Variants in FMNL3 observed in about 807,000 individuals in gnomAD.
The protein encoded by FMNL3 is formin like 3.
Under a neutral mutation model 119.6 loss-of-function variants are expected in FMNL3, and 57 were observed. The observed-to-expected ratio is 0.48, with a 90% CI of 0.39 to 0.59. FMNL3 has a LOEUF of 0.59. Ranked by LOEUF, FMNL3 falls within the 20% of genes least tolerant of loss-of-function variation. The probability of loss-of-function intolerance (pLI) is 0.00; values close to 1 mark genes in which losing one functional copy is unlikely to be tolerated. For synonymous variants in FMNL3, 491 were observed against 507.3 expected (o/e 0.97, Z 0.43); for missense variants, 1,053 against 1,323.5 (o/e 0.80, Z 3.17).
Position 49,636,596 on chromosome 12 carries a change from C to T in FMNL3, c.*9219G>A. On this transcript the variant is annotated 3_prime_UTR_variant, in exon 26 of 26. Coordinates refer to ENST00000335154, the MANE Select transcript of FMNL3 (RefSeq NM_175736.5). ...CACAGAGCCCCCTCCAGGCCCTTCC[C>T]CCACCACCCTGGGTATCCCTAGCAC... 2 of 1,424,088 alleles carry T rather than the reference C, an allele frequency of 1.4e-6. No individual in the cohort carries two copies. The highest frequency in any genetic ancestry group is 1.9e-6 in the Non-Finnish European group (2 of 1,037,308). The allele number at this position is 1,424,088 out of a possible 1,614,324, so 88.2% of individuals were successfully genotyped here.
Position 49,707,257 on chromosome 12 carries a change from G to A in FMNL3, c.-77C>T, listed in dbSNP as rs1945077188. ...CTTTCGGCTCCGCGGCTCCGACCAG[G>A]CTCCTCCCTCAGCGCCGGCTCCCCG... On this transcript the variant is annotated 5_prime_UTR_variant, in exon 1 of 26. Coordinates refer to ENST00000335154, the MANE Select transcript of FMNL3 (RefSeq NM_175736.5). The A allele has an allele frequency of 1.5e-6, 2 of 1,321,180 alleles. No individual in the cohort carries two copies. Among genetic ancestry groups the A allele is most frequent in the Middle Eastern group, 2.6e-4 (1 of 3,906 alleles). The allele number at this position is 1,321,180 out of a possible 1,614,324, so 81.8% of individuals were successfully genotyped here.
chr12:49,652,289 C>G (rs1943429738), intron 13 of FMNL3, 77 bp from the exon 14 acceptor site: 2 of 1,511,074 alleles, frequency 1.3e-6, no homozygotes, highest in Non-Finnish European at 1.8e-6. Context: ...GAATTCCTAC[C>G]CAGGGTTCTC....
Position 49,642,625 on chromosome 12 carries a change from C to T in FMNL3, c.*3190G>A, listed in dbSNP as rs1473401616. The stretch of plus-strand genomic sequence containing the variant: ...TGACTCAGCCTTTGAGCAGATCACC[C>T]TGGAGTCGGAGCGGATCCGGCTCTT... On this transcript the variant is annotated 3_prime_UTR_variant, in exon 26 of 26. Coordinates refer to ENST00000335154, the MANE Select transcript of FMNL3 (RefSeq NM_175736.5). The surrounding 1 kb of genome is among the most constrained non-coding windows in gnomAD (Gnocchi z 5.8). 6.2e-7 allele frequency: 1 copy of T among 1,614,228 alleles called. No homozygotes were observed. The highest frequency in any genetic ancestry group is 8.5e-7 in the Non-Finnish European group (1 of 1,180,032).
In FMNL3 at chr12:49,643,388, C is replaced by T; in HGVS notation, c.*2427G>A. The T allele has an allele frequency of 6.4e-7, 1 of 1,562,824 alleles. No homozygotes were observed. The highest frequency in any genetic ancestry group is 8.6e-7 in the Non-Finnish European group (1 of 1,156,390). ...ACGGGGCTCCCCTTCCTCCCATCTTCTTGGAGCAGGTAAGCAGTTGCTGTG... is the reference window on the plus strand; with the variant it reads ...ACGGGGCTCCCCTTCCTCCCATCTTTTTGGAGCAGGTAAGCAGTTGCTGTG... On this transcript the variant is annotated 3_prime_UTR_variant, in exon 26 of 26. Coordinates refer to ENST00000335154, the MANE Select transcript of FMNL3 (RefSeq NM_175736.5).
In FMNL3 at chr12:49,637,688, T is replaced by C; in HGVS notation, c.*8127A>G. The C allele has an allele frequency of 6.7e-7, 1 of 1,501,572 alleles. No homozygotes were observed. Among genetic ancestry groups the C allele is most frequent in the Non-Finnish European group, 9.1e-7 (1 of 1,093,116 alleles). The allele number at this position is 1,501,572 out of a possible 1,614,324, so 93.0% of individuals were successfully genotyped here. A position where few individuals can be genotyped will look rare whatever the true frequency, so the allele number is the denominator to read the frequency against. ...TGTCCTCGGCCCAGCCCCCAGGCCT[T>C]GGGAAGCTGCCGCCCGCCAGGCCCC... On this transcript the variant is annotated 3_prime_UTR_variant, in exon 26 of 26. Transcript: ENST00000335154.
At chr12:49,655,756 A>G (rs1943548490) in intron 9 of FMNL3, among the ~76,000 whole-genome samples, 1 of 152,136 alleles carries the variant, frequency 6.6e-6, no homozygotes, top group Admixed American at 6.5e-5. Context: ...AAGGAGGAAG[A>G]GCCATTTCCT....
In FMNL3 at chr12:49,643,116, T is replaced by G; in HGVS notation, c.*2699A>C. ...ACAATATCTCCCTTGGAGGGAAGTT[T>G]GAGGATTCCTTTGGCCCTGGGTCCT... On this transcript the variant is annotated 3_prime_UTR_variant, in exon 26 of 26. Coordinates refer to ENST00000335154, the MANE Select transcript of FMNL3 (RefSeq NM_175736.5). 1.3e-6 allele frequency: 2 copies of G among 1,586,546 alleles called. No homozygotes were observed. Among genetic ancestry groups the G allele is most frequent in the Non-Finnish European group, 1.7e-6 (2 of 1,158,310 alleles).
intron 1 of FMNL3, among the ~76,000 whole-genome samples, chr12:49,690,177 C>A (rs1343313875): frequency 6.6e-6 from 1 of 152,212 alleles, no homozygotes; most frequent in African/African-American, 2.4e-5. Flanking sequence ...TTCTCTAGTT[C>A]AAAATATAGT....
chr12:49,645,715 G>C lies in FMNL3; in HGVS notation c.*100C>G. 2.0e-5 allele frequency: 20 copies of C among 1,012,712 alleles called. No homozygotes were observed. Among genetic ancestry groups the C allele is most frequent in the Non-Finnish European group, 2.7e-5 (19 of 700,970 alleles). 62.7% of individuals were successfully genotyped at this position (1,012,712 alleles called of 1,614,324 possible). A position where few individuals can be genotyped will look rare whatever the true frequency, so the allele number is the denominator to read the frequency against. ...AGAGCTGGGGCGGACATGGTTGAGA[G>C]AGCAACACAGCCCTCTCCTGAGCCC... is the stretch of plus-strand genomic sequence containing the variant. On this transcript the variant is annotated 3_prime_UTR_variant, in exon 26 of 26. Transcript: ENST00000335154.
At chr12:49,678,244 G>A (rs1204488547) in intron 1 of FMNL3, among the ~76,000 whole-genome samples, 2 of 151,110 alleles carry the variant, frequency 1.3e-5, no homozygotes, top group Admixed American at 6.6e-5. Context: ...CACAACCTCT[G>A]CCTCCCGGGT....
At chr12:49,663,564 G>T (rs1943800350) in intron 4 of FMNL3, among the ~76,000 whole-genome samples, 1 of 152,248 alleles carries the variant, frequency 6.6e-6, no homozygotes, top group Admixed American at 6.5e-5. Flanking sequence ...ACCCAGAGAA[G>T]CCGCAGTTCA....
intron 1 of FMNL3, among the ~76,000 whole-genome samples, chr12:49,706,782 A>G (rs188281869): frequency 0.017 from 2,534 of 152,208 alleles, 42 homozygotes; most frequent in Non-Finnish European, 0.024. Context: ...GGGGAGGAAG[A>G]AGGAGGGAGA....
At chr12:49,651,349 A>C in intron 15 of FMNL3, 33 bp downstream of exon 15, 1 of 1,592,968 alleles carries the variant, frequency 6.3e-7, no homozygotes, top group South Asian at 1.1e-5. Flanking sequence ...CCCTGGTCCC[A>C]CCAGCCCTGC....
chr12:49,643,512 T>G lies in FMNL3; in HGVS notation c.*2303A>C. On this transcript the variant is annotated 3_prime_UTR_variant, in exon 26 of 26. Transcript: ENST00000335154. ...GACTGGATTGGGAGGGCTGCACCTG[T>G]GGAAGTAGAAAGAACTTCCTCTACC... 7.0e-7 allele frequency: 1 copy of G among 1,423,262 alleles called. No homozygotes were observed. Among genetic ancestry groups the G allele is most frequent in the Non-Finnish European group, 9.5e-7 (1 of 1,056,294 alleles). The allele number at this position is 1,423,262 out of a possible 1,614,324, so 88.2% of individuals were successfully genotyped here. A position where few individuals can be genotyped will look rare whatever the true frequency, so the allele number is the denominator to read the frequency against.
chr12:49,691,583 C>T (rs1944601759), intron 1 of FMNL3, among the ~76,000 whole-genome samples: 1 of 152,208 alleles, frequency 6.6e-6, no homozygotes, highest in African/African-American at 2.4e-5. Flanking sequence ...AAGAGCATCT[C>T]TTAGGATTCT....
intron 1 of FMNL3, among the ~76,000 whole-genome samples, chr12:49,686,876 G>A (rs1043793873): frequency 6.6e-6 from 1 of 152,142 alleles, no homozygotes; most frequent in Non-Finnish European, 1.5e-5. Context: ...CACAGGCTCT[G>A]ACTGGGGCCC....
Position 49,643,885 on chromosome 12 carries a change from C to G in FMNL3, c.*1930G>C. The G allele has an allele frequency of 6.2e-7, 1 of 1,614,072 alleles. No homozygotes were observed. The highest frequency in any genetic ancestry group is 1.3e-5 in the African/African-American group (1 of 74,974). On this transcript the variant is annotated 3_prime_UTR_variant, in exon 26 of 26. Coordinates refer to ENST00000335154, the MANE Select transcript of FMNL3 (RefSeq NM_175736.5). Reference sequence around the variant, plus strand: ...GAATAGTCCTGAGAGTGAGACAGACCCTGAGGAGAAAGCTGGCAAGGAGAG... The same window carrying G: ...GAATAGTCCTGAGAGTGAGACAGACGCTGAGGAGAAAGCTGGCAAGGAGAG...
chr12:49,670,979 C>T (rs1018795557), intron 1 of FMNL3, among the ~76,000 whole-genome samples: 4 of 152,208 alleles, frequency 2.6e-5, no homozygotes, highest in Non-Finnish European at 5.9e-5. Flanking sequence ...CTAAACACAT[C>T]GCTGCCATCT....
At position 49,643,316 on chromosome 12, in the gene FMNL3, T is replaced by C; in HGVS notation, c.*2499A>G. ...CCCCTCAGAGTCAGGCTCTGAGCCC[T>C]CTTCCTCACTTGATTCAGTTGAAAG... On this transcript the variant is annotated 3_prime_UTR_variant, in exon 26 of 26. Coordinates refer to ENST00000335154, the MANE Select transcript of FMNL3 (RefSeq NM_175736.5). 1 of 1,610,030 alleles carries C rather than the reference T, an allele frequency of 6.2e-7. No individual in the cohort carries two copies. The highest frequency in any genetic ancestry group is 1.1e-5 in the South Asian group (1 of 90,438).
Sources: allele counts gnomAD v4.1 joint callset (sites outside exome capture counted in the v4.1 genomes callset), GRCh38; gene constraint gnomAD v4.1.1; non-coding constraint Gnocchi (gnomAD v3.1); transcripts MANE v1.5; gene names NCBI Gene and HGNC (gene_info 2026-07-23, HGNC 2026-07-21).